Variants in TNS3 observed in about 807,000 individuals in gnomAD.
The protein encoded by TNS3 is tensin 3, also known as tensin-3.
Under a neutral mutation model 140.9 loss-of-function variants are expected in TNS3, and 45 were observed. The observed-to-expected ratio is 0.32, with a 90% confidence interval of 0.25 to 0.41. The LOEUF (loss-of-function observed/expected upper bound fraction) is 0.41. Ranked by LOEUF, TNS3 falls within the 10% of genes least tolerant of loss-of-function variation. The pLI is 1.00. For missense variants in TNS3, 1,716 were observed against 1,906.7 expected, an observed-to-expected ratio of 0.90 and a Z score of 1.86; for synonymous variants, 815 against 788.4, an observed-to-expected ratio of 1.03 and a Z score of -0.56.
At chr7:47,509,146 C>A (rs10281340) in intron 2 of TNS3, among the ~76,000 whole-genome samples, 1,601 of 152,316 alleles carry the variant, frequency 0.011, 18 homozygotes, top group African/African-American at 0.036. Flanking sequence ...GCAAGGGTGG[C>A]AGTGGTATGA....
intron 13 of TNS3, among the ~76,000 whole-genome samples, chr7:47,408,644 T>C (rs1793581453): frequency 6.6e-6 from 1 of 152,192 alleles, no homozygotes; most frequent in Non-Finnish European, 1.5e-5. Flanking sequence ...ATTTAATCCT[T>C]ACAAACCTGC....
intron 17 of TNS3, among the ~76,000 whole-genome samples, chr7:47,362,639 G>A (rs1033856771): frequency 6.6e-6 from 1 of 152,146 alleles, no homozygotes; most frequent in Non-Finnish European, 1.5e-5. Context: ...GTGTCCTGGT[G>A]AAATGAAGGT....
intron 20 of TNS3, among the ~76,000 whole-genome samples, chr7:47,311,638 T>A (rs775297500): frequency 6.6e-6 from 1 of 151,978 alleles, no homozygotes; most frequent in Non-Finnish European, 1.5e-5. Context: ...GGAACAAGAC[T>A]GAGAAATACA....
chr7:47,379,745 A>G (rs1791633242), intron 16 of TNS3, among the ~76,000 whole-genome samples: 1 of 152,096 alleles, frequency 6.6e-6, no homozygotes, highest in African/African-American at 2.4e-5. Context: ...CAAGCCCCCA[A>G]ACCCAAATCA....
intron 4 of TNS3, among the ~76,000 whole-genome samples, chr7:47,471,421 C>G (rs1436813022): frequency 6.6e-6 from 1 of 151,912 alleles, no homozygotes; most frequent in Non-Finnish European, 1.5e-5. Context: ...GTCCCACTCA[C>G]CCATGGAGTC....
chr7:47,344,952 T>C lies in TNS3; in HGVS notation c.2538A>G (p.Ala846=). 6.2e-7 allele frequency: 1 copy of C among 1,614,236 alleles called. No homozygotes were observed. Among genetic ancestry groups the C allele is most frequent in the Non-Finnish European group, 8.5e-7 (1 of 1,180,034 alleles). ...SSKESMCSTP[A]FPVSPETPYV... is the part of the protein sequence containing the mutation. ...ACGGTGTCTCTGGAGACACAGGAAA[T>C]GCTGGAGTTGAACACATGGACTCCT... Residue 846 remains alanine, a synonymous_variant, in exon 19 of 31, where the codon GCA becomes GCG. Coordinates refer to ENST00000311160, the MANE Select transcript of TNS3 (RefSeq NM_022748.12).
intron 16 of TNS3, among the ~76,000 whole-genome samples, chr7:47,370,050 T>C (rs1284839130): frequency 6.6e-6 from 1 of 152,208 alleles, no homozygotes; most frequent in Non-Finnish European, 1.5e-5. Flanking sequence ...TTGTTGAGCA[T>C]CAGCTAGGTG....
Position 47,275,326 on chromosome 7 carries a change from T to A in TNS3, c.*2750A>T, listed in dbSNP as rs2150504216. 6.5e-6 allele frequency: 1 copy of A among 152,860 alleles called. No homozygotes were observed. The highest frequency in any genetic ancestry group is 6.5e-5 in the Admixed American group (1 of 15,318). The allele number at this position is 152,860 out of a possible 1,614,324, so 9.5% of individuals were successfully genotyped here. A position where few individuals can be genotyped will look rare whatever the true frequency, so the allele number is the denominator to read the frequency against. On this transcript the variant is annotated 3_prime_UTR_variant, in exon 31 of 31. Transcript: ENST00000311160. ...AGGCAGAGAAGACGTTACAAGGTAT[T>A]TGATGCTGAGAATAAATGCACAGTG...
chr7:47,485,456 G>C (rs1477329334), intron 3 of TNS3, among the ~76,000 whole-genome samples: 2 of 152,226 alleles, frequency 1.3e-5, no homozygotes, highest in Non-Finnish European at 1.5e-5. Flanking sequence ...CCCAGCTCCA[G>C]GCTCCTCTCC....
At chr7:47,328,322 T>C (rs1584410079) in intron 20 of TNS3, among the ~76,000 whole-genome samples, 2 of 152,216 alleles carry the variant, frequency 1.3e-5, no homozygotes, top group South Asian at 4.1e-4. Context: ...TGGCCCCGCC[T>C]TGCTCACTGC....
Position 47,451,210 on chromosome 7 carries a change from G to A in TNS3, c.-75-9155C>T, listed in dbSNP as rs374488184. On this transcript the variant is annotated intron_variant, in intron 4 of 30. Coordinates refer to ENST00000311160, the MANE Select transcript of TNS3 (RefSeq NM_022748.12). The stretch of plus-strand genomic sequence containing the variant: ...TGCAAAGAGAATATCAGCTCCCCTG[G>A]GTGTCCCCAGGGCCTGTGCGCTGCT... Among the ~76,000 whole-genome samples, 82 of 152,222 alleles carry A rather than the reference G, an allele frequency of 5.4e-4. 1 individual carries two copies. The highest frequency in any genetic ancestry group is 1.9e-3 in the African/African-American group (78 of 41,556).
chr7:47,576,877 T>C (rs570789536), intron 1 of TNS3, among the ~76,000 whole-genome samples: 1 of 152,360 alleles, frequency 6.6e-6, no homozygotes, highest in East Asian at 1.9e-4. Flanking sequence ...CGGGCTCTCC[T>C]GTAAAAAGAA....
At chr7:47,389,104 G>GGAAGCA (rs1352890371) in intron 16 of TNS3, among the ~76,000 whole-genome samples, 1 of 29,982 alleles carries the variant, frequency 3.3e-5, no homozygotes, top group Non-Finnish European at 5.2e-5. Flanking sequence ...AAGAGGAAGC[G>GGAAGCA]GAAGCAGAAG....
chr7:47,483,319 G>A (rs967890865), intron 3 of TNS3, among the ~76,000 whole-genome samples: 4 of 151,888 alleles, frequency 2.6e-5, no homozygotes, highest in Admixed American at 2.0e-4. Flanking sequence ...ACAGGCGCCC[G>A]CCACCACGCC....
intron 4 of TNS3, among the ~76,000 whole-genome samples, chr7:47,447,847 CTA>C (rs1795826430): frequency 6.6e-6 from 1 of 152,228 alleles, no homozygotes; most frequent in African/African-American, 2.4e-5. Context: ...TCTAGTATCT[CTA>C]TGAGAACCAT....
intron 10 of TNS3, among the ~76,000 whole-genome samples, chr7:47,420,424 C>T (rs909884521): frequency 1.3e-5 from 2 of 152,106 alleles, no homozygotes; most frequent in Non-Finnish European, 2.9e-5. Flanking sequence ...TTCTTGGGCA[C>T]GTGCATTAAC....
At position 47,551,270 on chromosome 7, in the gene TNS3, C is replaced by T. The variant is rs796527350; in HGVS notation, c.-264-22123G>A. ...GGTGTCCACTTCCTGCCGCTGGACT[C>T]GGGAACTGAGCAAAAGCAGGTGGCT... On this transcript the variant is annotated intron_variant, in intron 1 of 30. Transcript: ENST00000311160. 1.5e-4 allele frequency among the ~76,000 whole-genome samples: 23 copies of T among 152,348 alleles called. 1 individual carries two copies. Among genetic ancestry groups the T allele is most frequent in the African/African-American group, 5.5e-4 (23 of 41,576 alleles).
In TNS3 at chr7:47,446,688, C is replaced by CTTTTTTT. The variant is rs144042398; in HGVS notation, c.-75-4640_-75-4634dup. 8.4e-3 allele frequency among the ~76,000 whole-genome samples: 814 copies of CTTTTTTT among 96,502 alleles called. 104 individuals carry two copies. Among genetic ancestry groups the CTTTTTTT allele is most frequent in the African/African-American group, 0.029 (643 of 21,924 alleles). 63.3% of individuals were successfully genotyped at this position (96,502 alleles called of 152,430 possible). A position where few individuals can be genotyped will look rare whatever the true frequency, so the allele number is the denominator to read the frequency against. On this transcript the variant is annotated intron_variant, in intron 4 of 30. Coordinates refer to ENST00000311160, the MANE Select transcript of TNS3 (RefSeq NM_022748.12). ...CAAAGACCGCCCTGTTCCAGGCTGC[C>CTTTTTTT]TTTTTTTTTTTTTTTTTTTTTTTTT...
chr7:47,452,666 A>T (rs990682486), intron 4 of TNS3, among the ~76,000 whole-genome samples: 6 of 152,246 alleles, frequency 3.9e-5, no homozygotes, highest in Non-Finnish European at 7.3e-5. Context: ...CAGAGATGTC[A>T]GCATTTCCAA....
Sources: gnomAD v4.1 joint callset for allele counts (sites outside exome capture counted in the v4.1 genomes callset) on GRCh38, gnomAD v4.1.1 for gene constraint, MANE v1.5 for transcripts, NCBI Gene and HGNC (gene_info 2026-07-23, HGNC 2026-07-21) for gene names.